ENPP1: variants seen among roughly 807,000 people sequenced by gnomAD.
ENPP1 encodes ectonucleotide pyrophosphatase/phosphodiesterase 1, also known as ectonucleotide pyrophosphatase/phosphodiesterase family member 1.
Under a neutral mutation model 122.8 loss-of-function variants are expected in ENPP1, and 73 were observed. That is an observed-to-expected ratio of 0.59 (90% CI 0.49 to 0.72). The LOEUF (loss-of-function observed/expected upper bound fraction) is 0.72, where lower values mean the gene tolerates loss of function less well. Ranked by LOEUF, ENPP1 falls within the 30% of genes least tolerant of loss-of-function variation. The pLI is 0.00. For missense variants in ENPP1, 978 were observed against 1,128.1 expected, an observed-to-expected ratio of 0.87 and a Z score of 1.91; for synonymous variants, 367 against 391.6, an observed-to-expected ratio of 0.94 and a Z score of 0.74.
chr6:131,838,804 G>A (rs1781706892), intron 1 of ENPP1, among the ~76,000 whole-genome samples: 1 of 151,960 alleles, frequency 6.6e-6, no homozygotes, highest in Non-Finnish European at 1.5e-5. Context: ...GATGCTGCAG[G>A]CATTGAAAGT....
intron 6 of ENPP1, among the ~76,000 whole-genome samples, chr6:131,855,372 C>G (rs917513893): frequency 8.5e-5 from 13 of 152,176 alleles, no homozygotes; most frequent in Non-Finnish European, 1.5e-4. Context: ...GTCGCCCAGG[C>G]TGGAGTGCAG....
At chr6:131,859,335 C>T (rs1239893089) in intron 7 of ENPP1, among the ~76,000 whole-genome samples, 2 of 152,024 alleles carry the variant, frequency 1.3e-5, no homozygotes, top group Non-Finnish European at 2.9e-5. Context: ...ATGCTTTACT[C>T]AGCAATTTAA....
intron 1 of ENPP1, among the ~76,000 whole-genome samples, chr6:131,841,032 A>C (rs1254806870): frequency 6.6e-6 from 1 of 152,164 alleles, no homozygotes; most frequent in Non-Finnish European, 1.5e-5. Flanking sequence ...GTTTCAGAGG[A>C]TCTTCTTCAG....
At chr6:131,858,223 A>G (rs1421126746) in intron 6 of ENPP1, among the ~76,000 whole-genome samples, 1 of 152,116 alleles carries the variant, frequency 6.6e-6, no homozygotes, top group Non-Finnish European at 1.5e-5. Context: ...AAAGCAGCTG[A>G]GTTTGTCCAG....
intron 17 of ENPP1, among the ~76,000 whole-genome samples, 163 bp from the exon 18 acceptor site, chr6:131,876,829 A>G (rs1425536931): frequency 6.6e-6 from 1 of 152,224 alleles, no homozygotes; most frequent in Non-Finnish European, 1.5e-5. Flanking sequence ...AAAATAACCT[A>G]GTCTTAAATA....
At chr6:131,826,450 A>G in intron 1 of ENPP1, 1 of 937,670 alleles carries the variant, frequency 1.1e-6, no homozygotes, top group East Asian at 2.4e-5. Context: ...TTATCCAGGA[A>G]TGTAAGTAAT....
At chr6:131,838,077 A>G (rs2114678353) in intron 1 of ENPP1, among the ~76,000 whole-genome samples, 2 of 152,338 alleles carry the variant, frequency 1.3e-5, no homozygotes, top group South Asian at 4.1e-4. Context: ...TAGCTTATTG[A>G]ATCTTAAGTA....
intron 24 of ENPP1, among the ~76,000 whole-genome samples, chr6:131,889,727 T>C (rs1273985866): frequency 6.6e-6 from 1 of 152,176 alleles, no homozygotes; most frequent in Non-Finnish European, 1.5e-5. Flanking sequence ...TCTCTCCTAT[T>C]GTGAATAGTG....
intron 6 of ENPP1, among the ~76,000 whole-genome samples, chr6:131,856,013 C>T (rs895100056): frequency 7.8e-4 from 118 of 152,140 alleles, no homozygotes; most frequent in East Asian, 9.7e-4. Flanking sequence ...ATTAACATCA[C>T]TCTTTGTAAA....
intron 16 of ENPP1, 110 bp from the exon 17 acceptor site, chr6:131,875,663 CTCT>C: frequency 1.2e-6 from 1 of 806,898 alleles, no homozygotes; most frequent in Admixed American, 1.8e-5. Flanking sequence ...GGTAGTTTTC[CTCT>C]TATCTTATCA....
chr6:131,852,737 G>A (rs79308771), intron 5 of ENPP1, among the ~76,000 whole-genome samples: 2,544 of 152,086 alleles, frequency 0.017, 89 homozygotes, highest in African/African-American at 0.058. Context: ...CAGGAAGGAA[G>A]GATCTTTACT....
intron 1 of ENPP1, among the ~76,000 whole-genome samples, chr6:131,824,271 G>A (rs1184728005): frequency 6.6e-6 from 1 of 152,034 alleles, no homozygotes; most frequent in Non-Finnish European, 1.5e-5. Flanking sequence ...AGTGACAGGC[G>A]AGCAGAAGAG....
At chr6:131,869,929 A>T (rs1033155541) in intron 13 of ENPP1, among the ~76,000 whole-genome samples, 32 of 151,822 alleles carry the variant, frequency 2.1e-4, no homozygotes, top group African/African-American at 6.0e-4. Flanking sequence ...ATCACAGTTA[A>T]TTTTTTTATG....
intron 13 of ENPP1, 137 bp downstream of exon 13, chr6:131,869,626 C>G (rs1174520473): frequency 6.7e-6 from 5 of 751,388 alleles, no homozygotes; most frequent in Non-Finnish European, 1.2e-5. Flanking sequence ...GTCAGGAGTT[C>G]GAGACCAGCC....
At chr6:131,855,549 C>T (rs554515210) in intron 6 of ENPP1, among the ~76,000 whole-genome samples, 1 of 152,276 alleles carries the variant, frequency 6.6e-6, no homozygotes, top group Non-Finnish European at 1.5e-5. Flanking sequence ...TGGTCTCTAA[C>T]TCCTGGGCTC....
chr6:131,895,021 G>A lies in ENPP1; in HGVS notation c.*4510G>A, dbSNP rs1308136426. ...TAAGCATTAAGTAAAATTTTATAAT[G>A]ACTGCAGTCCAAGGACATTTTCCCT... On this transcript the variant is annotated 3_prime_UTR_variant, in exon 25 of 25. Coordinates refer to ENST00000647893, the MANE Select transcript of ENPP1 (RefSeq NM_006208.3). 6.6e-6 allele frequency: 1 copy of A among 152,204 alleles called. No individual in the cohort carries two copies. Among genetic ancestry groups the A allele is most frequent in the African/African-American group, 2.4e-5 (1 of 41,458 alleles). 9.4% of individuals were successfully genotyped at this position (152,204 alleles called of 1,614,324 possible).
intron 20 of ENPP1, 55 bp from the exon 21 acceptor site, chr6:131,882,290 C>G: frequency 1.3e-6 from 2 of 1,504,434 alleles, no homozygotes; most frequent in South Asian, 2.2e-5. Context: ...ATTAATAAAG[C>G]AATTTTCTTC....
intron 1 of ENPP1, chr6:131,820,736 A>G (rs558092394): frequency 2.6e-5 from 4 of 152,202 alleles, no homozygotes; most frequent in Non-Finnish European, 5.9e-5. Context: ...TGGCTCAGAG[A>G]AAGTTTGGAG....
Position 131,879,962 on chromosome 6 carries a change from G to A in ENPP1, c.2028G>A (p.Gln676=). The A allele has an allele frequency of 6.2e-7, 1 of 1,613,872 alleles. No individual in the cohort carries two copies. The highest frequency in any genetic ancestry group is 1.7e-5 in the Admixed American group (1 of 60,024). Residue 676 remains glutamine, a synonymous_variant, in exon 20 of 25, where the codon CAG becomes CAA. Transcript: ENST00000647893. ...AAAACACCATCTGTCTTCTTTCCCA[G>A]CACCAGTTTATGAGTGGATACAGCC... The part of the protein sequence containing the change: ...QKENTICLLS[Q]HQFMSGYSQD...
Sources: allele counts gnomAD v4.1 joint callset (sites outside exome capture counted in the v4.1 genomes callset), GRCh38; gene constraint gnomAD v4.1.1; transcripts MANE v1.5; gene names NCBI Gene and HGNC (gene_info 2026-07-23, HGNC 2026-07-21).